NFATC1: variants seen among roughly 807,000 people sequenced by gnomAD.
The protein encoded by NFATC1 is nuclear factor of activated T cells 1.
In NFATC1, 22 loss-of-function variants were observed where a neutral mutation model predicts 76.0. That is an observed-to-expected ratio of 0.29 (90% CI 0.21 to 0.41). The LOEUF is 0.41. Among genes scored for constraint, NFATC1 ranks in the 10% least tolerant of loss-of-function variants. The probability of loss-of-function intolerance (pLI) is 1.00; values close to 1 mark genes in which losing one functional copy is unlikely to be tolerated. For synonymous variants in NFATC1, 704 were observed against 613.1 expected, an observed-to-expected ratio of 1.15 and a Z score of -2.19; for missense variants, 1,357 against 1,337.7, an observed-to-expected ratio of 1.01 and a Z score of -0.23.
intron 8 of NFATC1, chr18:79,470,112 G>A (rs775522519): frequency 1.0e-4 from 54 of 535,160 alleles, no homozygotes; most frequent in Non-Finnish European, 1.2e-4. Flanking sequence ...CAGGACCTGC[G>A]TCCTCCGTGC....
intron 8 of NFATC1, among the ~76,000 whole-genome samples, chr18:79,474,797 C>T (rs2088975475): frequency 1.4e-5 from 2 of 145,156 alleles, no homozygotes; most frequent in South Asian, 2.2e-4. Context: ...GAAGCGTTTT[C>T]ACACTGTCGA....
At chr18:79,443,175 A>C (rs145543084) in intron 3 of NFATC1, among the ~76,000 whole-genome samples, 2 of 152,216 alleles carry the variant, frequency 1.3e-5, no homozygotes, top group Non-Finnish European at 2.9e-5. Context: ...AACACGATCT[A>C]TGAATCACTA....
At chr18:79,522,850 T>A (rs1601013008) in intron 9 of NFATC1, among the ~76,000 whole-genome samples, 1 of 152,164 alleles carries the variant, frequency 6.6e-6, no homozygotes, top group Admixed American at 6.5e-5. Flanking sequence ...TCCATGACTT[T>A]CCTAGTAAGT....
intron 2 of NFATC1, among the ~76,000 whole-genome samples, chr18:79,431,797 G>A (rs145538879): frequency 9.9e-5 from 15 of 152,220 alleles, no homozygotes; most frequent in East Asian, 5.8e-4. Context: ...CCTCCTCTTC[G>A]GTATAAGCAA....
chr18:79,429,794 A>G (rs961010844), intron 2 of NFATC1, among the ~76,000 whole-genome samples: 5 of 152,260 alleles, frequency 3.3e-5, no homozygotes, highest in African/African-American at 1.2e-4. Context: ...GCTGTAAGCC[A>G]TGCACACACT....
chr18:79,511,628 T>TCCCGCCAGGACACGTCTGCGCCC, intron 9 of NFATC1, among the ~76,000 whole-genome samples: 1 of 152,162 alleles, frequency 6.6e-6, no homozygotes, highest in African/African-American at 2.4e-5. Flanking sequence ...GGGCTGTGCC[T>TCCCGCCAGGACACGTCTGCGCCC]CCCGCCAGGA....
intron 8 of NFATC1, chr18:79,469,830 G>C: frequency 1.1e-5 from 11 of 985,186 alleles, no homozygotes; most frequent in Non-Finnish European, 1.1e-5. Flanking sequence ...CAGCCCCCAG[G>C]GGCTCCCCGG....
chr18:79,478,842 G>A (rs999933298), intron 8 of NFATC1, among the ~76,000 whole-genome samples: 3 of 152,236 alleles, frequency 2.0e-5, no homozygotes, highest in Admixed American at 2.0e-4. Context: ...CTGGGCCCCA[G>A]AACAGCACCA....
intron 9 of NFATC1, among the ~76,000 whole-genome samples, chr18:79,519,675 T>A (rs185644270): frequency 1.2e-3 from 176 of 152,296 alleles, no homozygotes; most frequent in Non-Finnish European, 1.7e-3. Context: ...AGATTTTTTT[T>A]ATGTTGTTTC....
rs536161609 is a variant in NFATC1 at position 79,420,624 on chromosome 18, A to G, written c.1226+9123A>G. ...CCGGGAGACGTCGCTGCAGAGGGGA[A>G]GAGGTGGATGCGTTTCCAGGCAAGG... On this transcript the variant is annotated intron_variant, in intron 2 of 9. Transcript: ENST00000427363. Among the ~76,000 whole-genome samples the G allele has an allele frequency of 2.0e-5, 3 of 151,842 alleles. No homozygotes were observed. The South Asian group carries it at 6.2e-4, about 32-fold the overall frequency.
chr18:79,483,836 TC>T (rs1381512179), intron 8 of NFATC1, among the ~76,000 whole-genome samples: 3 of 137,974 alleles, frequency 2.2e-5, no homozygotes, highest in Non-Finnish European at 4.6e-5. Context: ...GGGGTGTCAT[TC>T]CAGCGTGACG....
At chr18:79,425,795 G>A (rs1373779150) in intron 2 of NFATC1, among the ~76,000 whole-genome samples, 1 of 152,234 alleles carries the variant, frequency 6.6e-6, no homozygotes, top group Non-Finnish European at 1.5e-5. Context: ...GTGGGCGGGG[G>A]AGGAGCTGGG....
chr18:79,416,516 A>C (rs1370462862), intron 2 of NFATC1, among the ~76,000 whole-genome samples: 1 of 152,102 alleles, frequency 6.6e-6, no homozygotes, highest in African/African-American at 2.4e-5. Flanking sequence ...GATGGTGAAC[A>C]TAGTCTCTAA....
Position 79,435,004 on chromosome 18 carries a change from G to A in NFATC1, c.1386+1266G>A, listed in dbSNP as rs139076213. On this transcript the variant is annotated intron_variant, in intron 3 of 9. Transcript: ENST00000427363. ...GTCTCCACCCTCCCAGGTGGGAAAG[G>A]TCAGACAGCGCTGCACCACGCTCCG... is the stretch of plus-strand genomic sequence containing the variant. Among the ~76,000 whole-genome samples, 793 of 152,320 alleles carry A rather than the reference G, an allele frequency of 5.2e-3. 3 individuals are homozygous for A. The highest frequency in any genetic ancestry group is 8.4e-3 in the Non-Finnish European group (570 of 68,024).
chr18:79,472,823 G>A (rs576676612), intron 8 of NFATC1, among the ~76,000 whole-genome samples: 23 of 152,356 alleles, frequency 1.5e-4, no homozygotes, highest in African/African-American at 5.5e-4. Context: ...TGGCCTCGCG[G>A]CGCTCTGGGT....
chr18:79,414,044 C>A (rs1308335703), intron 2 of NFATC1, among the ~76,000 whole-genome samples: 1 of 152,210 alleles, frequency 6.6e-6, no homozygotes, highest in East Asian at 1.9e-4. Context: ...TCTGGTTCCA[C>A]ATCAAAATAT....
chr18:79,457,887 T>A (rs1316411821), intron 6 of NFATC1, among the ~76,000 whole-genome samples: 1 of 152,200 alleles, frequency 6.6e-6, no homozygotes, highest in East Asian at 1.9e-4. Context: ...GGTCAGGGCG[T>A]AGGGTCCTCA....
In NFATC1 at chr18:79,411,333, T is replaced by C; in HGVS notation, c.1058T>C (p.Val353Ala). The C allele has an allele frequency of 6.3e-7, 1 of 1,599,398 alleles. No homozygotes were observed. The highest frequency in any genetic ancestry group is 8.5e-7 in the Non-Finnish European group (1 of 1,174,706). ...PPSVALKVEP[V>A]GEDLGSPPPP... is the part of the protein sequence containing the mutation. ...TCAGTGGCGCTCAAGGTGGAGCCCG[T>C]CGGGGAGGACCTGGGCAGCCCCCCG... Residue 353 changes from valine (V) to alanine (A), a missense_variant, in exon 2 of 10, where the codon GTC becomes GCC. By Grantham distance (64) the Val-to-Ala change is moderately conservative. This residue lies in a region of NFATC1 where 691 missense variants were observed against 613.1 expected (regional missense o/e 1.13). Coordinates refer to ENST00000427363, the MANE Select transcript of NFATC1 (RefSeq NM_001278669.2).
chr18:79,419,830 C>G (rs569472301), intron 2 of NFATC1, among the ~76,000 whole-genome samples: 1 of 152,362 alleles, frequency 6.6e-6, no homozygotes, highest in South Asian at 2.1e-4. Context: ...GACTTCCTCC[C>G]TCGGGATTAA....
Sources: gnomAD v4.1 joint callset for allele counts (sites outside exome capture counted in the v4.1 genomes callset) on GRCh38, gnomAD v4.1.1 for gene constraint, gnomAD v4.1.1 regional missense constraint, MANE v1.5 for transcripts, NCBI Gene and HGNC (gene_info 2026-07-23, HGNC 2026-07-21) for gene names.